ZNF516: variants seen among roughly 807,000 people sequenced by gnomAD.
ZNF516 encodes zinc finger protein 516.
In ZNF516, 19 loss-of-function variants were observed where a neutral mutation model predicts 79.7. The ratio of observed to expected loss-of-function variants is 0.24; its 90% CI spans 0.17 to 0.35. The LOEUF (loss-of-function observed/expected upper bound fraction) is 0.35, where lower values mean the gene tolerates loss of function less well. ZNF516 is among the 10% of genes least tolerant of loss of function. The pLI is 1.00. For missense variants in ZNF516, 1,678 were observed against 1,679.5 expected (o/e 1.00, Z 0.02); for synonymous variants, 877 against 739.5 (o/e 1.19, Z -3.02).
chr18:76,396,557 CAGA>C (rs1050964081), intron 3 of ZNF516, among the ~76,000 whole-genome samples: 1 of 152,168 alleles, frequency 6.6e-6, no homozygotes, highest in African/African-American at 2.4e-5. Flanking sequence ...CAGTGTTGCT[CAGA>C]AGAAGATCCA....
chr18:76,469,729 T>G (rs1913714318), intron 1 of ZNF516, among the ~76,000 whole-genome samples: 1 of 152,244 alleles, frequency 6.6e-6, no homozygotes, highest in Non-Finnish European at 1.5e-5. Flanking sequence ...GTTAAACCAC[T>G]GTACTCAGAA....
At chr18:76,466,156 G>A (rs982455201) in intron 1 of ZNF516, among the ~76,000 whole-genome samples, 1 of 152,162 alleles carries the variant, frequency 6.6e-6, no homozygotes, top group Non-Finnish European at 1.5e-5. Context: ...CCTTAGGAGT[G>A]ACGTTAATTC....
intron 4 of ZNF516, among the ~76,000 whole-genome samples, chr18:76,376,926 A>T (rs1424571973): frequency 1.3e-5 from 2 of 152,224 alleles, no homozygotes; most frequent in African/African-American, 4.8e-5. Context: ...CATCCACAAC[A>T]GCACAGACCT....
At chr18:76,481,680 G>C (rs1378073500) in intron 1 of ZNF516, among the ~76,000 whole-genome samples, 3 of 152,152 alleles carry the variant, frequency 2.0e-5, no homozygotes, top group African/African-American at 7.2e-5. Context: ...CACATATAAA[G>C]AACTCGGAAT....
At chr18:76,408,865 T>A (rs1012101114) in intron 3 of ZNF516, among the ~76,000 whole-genome samples, 1 of 152,224 alleles carries the variant, frequency 6.6e-6, no homozygotes. Flanking sequence ...CACTGTGAAG[T>A]GAAGCTACCA....
chr18:76,459,134 T>C lies in ZNF516; in HGVS notation c.-158+3894A>G, dbSNP rs1003125305. Among the ~76,000 whole-genome samples, 4 of 152,228 alleles carry C rather than the reference T, an allele frequency of 2.6e-5. No individual in the cohort carries two copies. Among genetic ancestry groups the C allele is most frequent in the East Asian group, 1.9e-4 (1 of 5,192 alleles). On this transcript the variant is annotated intron_variant, in intron 2 of 6. Transcript: ENST00000443185. The surrounding 1 kb of genome is among the most constrained non-coding windows in gnomAD (Gnocchi z 5.0). The stretch of plus-strand genomic sequence containing the variant: ...CCAGCAACACTCGTGCCCATGTGCC[T>C]GGATTACCAGCTTCGCACAGAGCCA...
upstream of ZNF516, chr18:76,495,690 A>G (rs1915454622): frequency 8.4e-7 from 1 of 1,191,642 alleles, no homozygotes; most frequent in Non-Finnish European, 1.1e-6. Flanking sequence ...GCGCATCCAT[A>G]CGTACAGACG....
chr18:76,400,428 C>A (rs754493862), intron 3 of ZNF516, among the ~76,000 whole-genome samples: 1 of 152,168 alleles, frequency 6.6e-6, no homozygotes, highest in Non-Finnish European at 1.5e-5. Flanking sequence ...GCTACCTAAA[C>A]GCCCAGAAAG....
At chr18:76,424,453 C>CCT (rs1210323971) in intron 3 of ZNF516, among the ~76,000 whole-genome samples, 1 of 141,084 alleles carries the variant, frequency 7.1e-6, no homozygotes, top group African/African-American at 2.7e-5. Flanking sequence ...AAGGCTCCCT[C>CCT]GAGACACACG....
intron 3 of ZNF516, among the ~76,000 whole-genome samples, chr18:76,391,095 C>G (rs1202209507): frequency 1.3e-5 from 2 of 152,066 alleles, no homozygotes; most frequent in Non-Finnish European, 2.9e-5. Flanking sequence ...CAGGGGTCCA[C>G]AGGAGGACAG....
chr18:76,391,118 G>T (rs2075066731), intron 3 of ZNF516, among the ~76,000 whole-genome samples: 2 of 152,104 alleles, frequency 1.3e-5, no homozygotes, highest in Admixed American at 1.3e-4. Flanking sequence ...ATTGCACAAA[G>T]AAATCATTAA....
At chr18:76,382,426 G>C (rs947832667) in intron 3 of ZNF516, among the ~76,000 whole-genome samples, 11 of 152,178 alleles carry the variant, frequency 7.2e-5, no homozygotes, top group Non-Finnish European at 1.6e-4. Flanking sequence ...ACAGATTTCT[G>C]AACACACATG....
At chr18:76,468,170 A>G (rs562666639) in intron 1 of ZNF516, among the ~76,000 whole-genome samples, 1 of 152,302 alleles carries the variant, frequency 6.6e-6, no homozygotes, top group African/African-American at 2.4e-5. Context: ...GTATACAGAA[A>G]TGTGTTTTTT....
At position 76,441,229 on chromosome 18, in the gene ZNF516, G is replaced by A. The variant is rs768599036; in HGVS notation, c.1810+16C>T. ...TGGGATCCCAGGACCCAGGCCACCT[G>A]GGTACACTTGCTCACCTGGTGCAGG... On this transcript the variant is annotated intron_variant, in intron 3 of 6. Transcript: ENST00000443185. The A allele has an allele frequency of 1.1e-5, 18 of 1,605,662 alleles. No homozygotes were observed. Among genetic ancestry groups the A allele is most frequent in the Non-Finnish European group, 1.5e-5 (18 of 1,177,140 alleles).
At chr18:76,367,010 T>C (rs1415395529) in intron 6 of ZNF516, among the ~76,000 whole-genome samples, 3 of 152,190 alleles carry the variant, frequency 2.0e-5, no homozygotes, top group Non-Finnish European at 4.4e-5. Flanking sequence ...GGATCTCTCC[T>C]CTCCACTATA....
At chr18:76,447,711 G>A (rs543030224) in intron 2 of ZNF516, among the ~76,000 whole-genome samples, 4 of 152,326 alleles carry the variant, frequency 2.6e-5, no homozygotes, top group East Asian at 3.9e-4. Flanking sequence ...CACATGGTGT[G>A]CCTGTGTGTT....
chr18:76,491,463 G>A (rs1353762498), intron 1 of ZNF516, among the ~76,000 whole-genome samples: 2 of 139,868 alleles, frequency 1.4e-5, no homozygotes, highest in African/African-American at 5.1e-5. Context: ...CTTTGTTATG[G>A]TGCGAAGTTG....
intron 1 of ZNF516, among the ~76,000 whole-genome samples, chr18:76,483,265 C>T (rs982570268): frequency 6.6e-6 from 1 of 152,122 alleles, no homozygotes; most frequent in Non-Finnish European, 1.5e-5. Context: ...ACAGCTCAAG[C>T]CAGCCAACCT....
At chr18:76,464,183 A>T (rs1913302634) in intron 1 of ZNF516, among the ~76,000 whole-genome samples, 1 of 152,078 alleles carries the variant, frequency 6.6e-6, no homozygotes, top group Non-Finnish European at 1.5e-5. Flanking sequence ...AAAAAATTTT[A>T]GTACTTTAAA....
Sources: gnomAD v4.1 joint callset for allele counts (sites outside exome capture counted in the v4.1 genomes callset) on GRCh38, gnomAD v4.1.1 for gene constraint, Gnocchi (gnomAD v3.1) non-coding constraint, MANE v1.5 for transcripts, NCBI Gene and HGNC (gene_info 2026-07-23, HGNC 2026-07-21) for gene names.